CAMK4: variants seen among roughly 807,000 people sequenced by gnomAD.
The protein encoded by CAMK4 is calcium/calmodulin dependent protein kinase IV.
In CAMK4, 22 loss-of-function variants were observed where a neutral mutation model predicts 44.9. That is an observed-to-expected ratio of 0.49 (90% CI 0.35 to 0.70). The LOEUF is 0.70. Ranked by LOEUF, CAMK4 falls within the 30% of genes least tolerant of loss-of-function variation. The pLI, the probability that CAMK4 is intolerant of heterozygous loss-of-function variation, is 0.01. For synonymous variants in CAMK4, 218 were observed against 215.4 expected, an observed-to-expected ratio of 1.01 and a Z score of -0.11; for missense variants, 498 against 586.8, an observed-to-expected ratio of 0.85 and a Z score of 1.56.
intron 1 of CAMK4, chr5:111,282,954 T>C (rs1751084030): frequency 6.6e-6 from 1 of 152,260 alleles, no homozygotes; most frequent in Admixed American, 6.5e-5. Context: ...ATCAGTTGTT[T>C]ATCCTTGTGA....
rs958974388 is a variant in CAMK4 at position 111,437,039 on chromosome 5, T to C, written c.460-9647T>C. ...TCTGATCTCGCAGTTAAAATATTCT[T>C]ATCGGTTTTTGGCCTTTCTCAAAGT... On this transcript the variant is annotated intron_variant, in intron 5 of 10. Transcript: ENST00000282356. 5.9e-5 allele frequency among the ~76,000 whole-genome samples: 9 copies of C among 152,350 alleles called. 1 individual carries two copies. The East Asian group carries it at 7.7e-4, about 13-fold the overall frequency.
chr5:111,228,509 G>GGGGTGTGTGTGTGT (rs1554053042), intron 1 of CAMK4, among the ~76,000 whole-genome samples: 38 of 145,354 alleles, frequency 2.6e-4, no homozygotes, highest in Admixed American at 8.2e-4. Flanking sequence ...CATAGTAAGG[G>GGGGTGTGTGTGTGT]GTGTGTGTGT....
At position 111,344,005 on chromosome 5, in the gene CAMK4, T is replaced by C; in HGVS notation, c.162-19T>C. The C allele has an allele frequency of 1.3e-6, 2 of 1,496,556 alleles. No homozygotes were observed. Among genetic ancestry groups the C allele is most frequent in the Admixed American group, 1.8e-5 (1 of 55,716 alleles). 92.7% of individuals were successfully genotyped at this position (1,496,556 alleles called of 1,614,324 possible). On this transcript the variant is annotated intron_variant, in intron 1 of 10. Transcript: ENST00000282356. ...TGTCCAAAGCATAACATTTTCTTTT[T>C]GTCTTTTTCCCCCTCAAGGGGTGCT...
At chr5:111,314,890 A>T (rs2112679173) in intron 1 of CAMK4, among the ~76,000 whole-genome samples, 1 of 152,258 alleles carries the variant, frequency 6.6e-6, no homozygotes, top group Middle Eastern at 3.4e-3. Context: ...AGAGTGGATC[A>T]TATCAATTTA....
chr5:111,476,690 A>G (rs144974834), intron 8 of CAMK4, among the ~76,000 whole-genome samples: 24 of 152,264 alleles, frequency 1.6e-4, no homozygotes, highest in African/African-American at 5.8e-4. Flanking sequence ...TTTTCCTCCC[A>G]GGAATTCTCA....
chr5:111,490,598 A>G lies in CAMK4; in HGVS notation c.*6132A>G, dbSNP rs1190729724. ...GGACAACAAGAGCGAAACTCCGTCA[A>G]AAAAAAATATATATATATGACCATA... On this transcript the variant is annotated 3_prime_UTR_variant, in exon 11 of 11. Coordinates refer to ENST00000282356, the MANE Select transcript of CAMK4 (RefSeq NM_001744.6). 1 of 151,598 alleles carries G rather than the reference A, an allele frequency of 6.6e-6. No individual in the cohort carries two copies. Among genetic ancestry groups the G allele is most frequent in the Non-Finnish European group, 1.5e-5 (1 of 67,868 alleles). The allele number at this position is 151,598 out of a possible 1,614,324, so 9.4% of individuals were successfully genotyped here. A position where few individuals can be genotyped will look rare whatever the true frequency, so the allele number is the denominator to read the frequency against.
chr5:111,263,138 T>C (rs531300832), intron 1 of CAMK4, among the ~76,000 whole-genome samples: 47 of 152,348 alleles, frequency 3.1e-4, no homozygotes, highest in African/African-American at 1.1e-3. Flanking sequence ...GGGAACACTT[T>C]CAATGATAAA....
At chr5:111,333,536 C>A (rs1040569073) in intron 1 of CAMK4, among the ~76,000 whole-genome samples, 7 of 151,542 alleles carry the variant, frequency 4.6e-5, no homozygotes, top group Non-Finnish European at 5.9e-5. Context: ...TTTTGCTTTA[C>A]CTTGTGGTAG....
chr5:111,399,358 CCTATAA>C (rs1752140126), intron 5 of CAMK4, among the ~76,000 whole-genome samples: 2 of 152,200 alleles, frequency 1.3e-5, no homozygotes. Flanking sequence ...GACCACTCTA[CCTATAA>C]TAATAACCAC....
intron 1 of CAMK4, among the ~76,000 whole-genome samples, chr5:111,225,625 A>G (rs1464280332): frequency 6.6e-6 from 1 of 152,088 alleles, no homozygotes; most frequent in Non-Finnish European, 1.5e-5. Context: ...TTCATTTTTC[A>G]TTCTCTTTTT....
rs139258751 is a variant in CAMK4 at position 111,391,195 on chromosome 5, G to A, written c.387-3515G>A. Among the ~76,000 whole-genome samples, 235 of 152,254 alleles carry A rather than the reference G, an allele frequency of 1.5e-3. 2 individuals are homozygous for A. The highest frequency in any genetic ancestry group is 5.5e-3 in the African/African-American group (229 of 41,562). ...AGGAAGAGAATCCAAATTAATCAGT[G>A]TAGAGACGGTAAAGGCAAGGGAATG... On this transcript the variant is annotated intron_variant, in intron 4 of 10. Transcript: ENST00000282356.
chr5:111,451,571 A>T (rs1460063763), intron 7 of CAMK4, among the ~76,000 whole-genome samples: 1 of 152,144 alleles, frequency 6.6e-6, no homozygotes. Flanking sequence ...TACAGGCATG[A>T]GCCACCATGT....
At chr5:111,332,056 C>G (rs190743497) in intron 1 of CAMK4, among the ~76,000 whole-genome samples, 20 of 151,612 alleles carry the variant, frequency 1.3e-4, no homozygotes, top group Admixed American at 1.2e-3. Context: ...ATTGCTCACA[C>G]CCACACAATT....
chr5:111,456,930 G>A (rs2077809693), intron 7 of CAMK4, among the ~76,000 whole-genome samples: 1 of 152,214 alleles, frequency 6.6e-6, no homozygotes, highest in African/African-American at 2.4e-5. Flanking sequence ...AGTCTCCTCA[G>A]TGATCAGACA....
At chr5:111,390,329 G>A (rs892611076) in intron 4 of CAMK4, among the ~76,000 whole-genome samples, 1 of 152,068 alleles carries the variant, frequency 6.6e-6, no homozygotes, top group African/African-American at 2.4e-5. Flanking sequence ...AATCATTGAG[G>A]TTTTTTGATA....
At chr5:111,438,637 A>G (rs1753727031) in intron 5 of CAMK4, among the ~76,000 whole-genome samples, 2 of 152,192 alleles carry the variant, frequency 1.3e-5, no homozygotes, top group Admixed American at 1.3e-4. Context: ...AGAGTAGACA[A>G]ATGTGCTCAA....
rs774554255 is a variant in CAMK4 at position 111,376,856 on chromosome 5, C to G, written c.304-4C>G. On this transcript the variant is annotated splice_region_variant and splice_polypyrimidine_tract_variant and intron_variant, in intron 3 of 10. Transcript: ENST00000282356. ...GATATTCTTTTTTTTATATCTTTCCCTAGATAAAACTTAAAGAGATATTTG... is the reference window on the plus strand; with the variant it reads ...GATATTCTTTTTTTTATATCTTTCCGTAGATAAAACTTAAAGAGATATTTG... The G allele has an allele frequency of 4.6e-6, 7 of 1,524,274 alleles. No individual in the cohort carries two copies. The highest frequency in any genetic ancestry group is 2.4e-5 in the South Asian group (2 of 84,984). 94.4% of individuals were successfully genotyped at this position (1,524,274 alleles called of 1,614,324 possible).
At chr5:111,328,908 T>G (rs894989469) in intron 1 of CAMK4, among the ~76,000 whole-genome samples, 21 of 151,986 alleles carry the variant, frequency 1.4e-4, no homozygotes, top group Non-Finnish European at 3.1e-4. Flanking sequence ...GAGGAGATTT[T>G]GGGCTGAGAC....
chr5:111,366,274 A>G (rs1345806592), intron 2 of CAMK4, among the ~76,000 whole-genome samples: 1 of 152,148 alleles, frequency 6.6e-6, no homozygotes, highest in Non-Finnish European at 1.5e-5. Flanking sequence ...TAATCTCTGC[A>G]AGGAAAATAA....
Sources: allele counts gnomAD v4.1 joint callset (sites outside exome capture counted in the v4.1 genomes callset), GRCh38; gene constraint gnomAD v4.1.1; transcripts MANE v1.5; gene names NCBI Gene and HGNC (gene_info 2026-07-23, HGNC 2026-07-21).